The following RGS6 variants were observed in gnomAD, a reference collection of about 807,000 sequenced individuals.
RGS6 encodes regulator of G protein signaling 6, also known as regulator of G-protein signaling 6.
A neutral mutation model predicts 78.5 loss-of-function variants in RGS6; 30 were observed. The ratio of observed to expected loss-of-function variants is 0.38; its 90% CI spans 0.29 to 0.52. The LOEUF (loss-of-function observed/expected upper bound fraction) is 0.52. Ranked by LOEUF, RGS6 falls within the 20% of genes least tolerant of loss-of-function variation. The probability of loss-of-function intolerance (pLI) is 0.85; values close to 1 mark genes in which losing one functional copy is unlikely to be tolerated. For synonymous variants in RGS6, 206 were observed against 206.0 expected, an observed-to-expected ratio of 1.00 and a Z score of 0.00; for missense variants, 495 against 609.7, an observed-to-expected ratio of 0.81 and a Z score of 1.98.
At chr14:72,136,456 G>A (rs61994831) in intron 2 of RGS6, among the ~76,000 whole-genome samples, 26,544 of 152,134 alleles carry the variant, frequency 0.17, 2,994 homozygotes, top group Non-Finnish European at 0.24. Context: ...CACATGGCTG[G>A]GGAGGCCTCA....
intron 2 of RGS6, among the ~76,000 whole-genome samples, chr14:72,012,508 T>C (rs1043073672): frequency 1.3e-5 from 2 of 152,248 alleles, no homozygotes; most frequent in Admixed American, 6.5e-5. Flanking sequence ...CCTTAATTCA[T>C]GTGCTGTTGG....
At chr14:72,313,554 C>A (rs1365161464) in intron 2 of RGS6, among the ~76,000 whole-genome samples, 1 of 152,204 alleles carries the variant, frequency 6.6e-6, no homozygotes, top group East Asian at 1.9e-4. Flanking sequence ...TATGATCGTT[C>A]CTTCTGCTGG....
chr14:72,229,456 T>G (rs1389257371), intron 2 of RGS6, among the ~76,000 whole-genome samples: 1 of 152,080 alleles, frequency 6.6e-6, no homozygotes, highest in African/African-American at 2.4e-5. Context: ...TGTGGGCTGG[T>G]ACTCCCTACA....
chr14:71,982,211 G>C (rs957141986), intron 2 of RGS6, among the ~76,000 whole-genome samples: 1 of 152,162 alleles, frequency 6.6e-6, no homozygotes, highest in Admixed American at 6.5e-5. Flanking sequence ...AGATGAACCC[G>C]GTACCTCAGA....
At chr14:72,208,007 A>G (rs2043102906) in intron 2 of RGS6, among the ~76,000 whole-genome samples, 2 of 152,140 alleles carry the variant, frequency 1.3e-5, no homozygotes, top group Admixed American at 1.3e-4. Flanking sequence ...CTGTAATTGG[A>G]ATCATCTCTC....
rs562071343 is a variant in RGS6 at position 72,477,652 on chromosome 14, C to A, written c.793-616C>A. ...TCTACTAAAAATAGAAAAAAGTTAGCCGGGCTTGGTGGCGTGTGACTATAA... is the reference window on the plus strand; with the variant it reads ...TCTACTAAAAATAGAAAAAAGTTAGACGGGCTTGGTGGCGTGTGACTATAA... On this transcript the variant is annotated intron_variant, in intron 11 of 17. Coordinates refer to ENST00000553525, the MANE Select transcript of RGS6 (RefSeq NM_001204424.2). Among the ~76,000 whole-genome samples the A allele has an allele frequency of 3.3e-5, 5 of 151,774 alleles. No individual in the cohort carries two copies. In the South Asian group the frequency reaches 1.0e-3, roughly 32 times the overall value.
chr14:72,531,920 T>G (rs946318432), intron 15 of RGS6, among the ~76,000 whole-genome samples: 3 of 152,220 alleles, frequency 2.0e-5, no homozygotes, highest in African/African-American at 7.2e-5. Context: ...CCTCTCTAAT[T>G]ATGTGGTGTC....
the RGS6 span, among the ~76,000 whole-genome samples, chr14:72,622,992 G>A: frequency 6.6e-6 from 1 of 152,218 alleles, no homozygotes; most frequent in Non-Finnish European, 1.5e-5. Flanking sequence ...TTATGCAGCT[G>A]TAGGAAGGAA....
chr14:71,872,669 G>T, the RGS6 span, among the ~76,000 whole-genome samples: 2 of 152,012 alleles, frequency 1.3e-5, no homozygotes, highest in Admixed American at 6.6e-5. Flanking sequence ...TATACTTTAA[G>T]TTCTAGGGTA....
At chr14:72,167,878 T>C (rs2153675142) in intron 2 of RGS6, among the ~76,000 whole-genome samples, 1 of 152,256 alleles carries the variant, frequency 6.6e-6, no homozygotes, top group South Asian at 2.1e-4. Flanking sequence ...AGAGGGCATG[T>C]CAATCAATTA....
the RGS6 span, among the ~76,000 whole-genome samples, chr14:72,615,384 T>C: frequency 6.6e-6 from 1 of 152,182 alleles, no homozygotes; most frequent in East Asian, 1.9e-4. Context: ...AAAGGAAAAG[T>C]AATAACAATC....
At chr14:72,501,645 A>G (rs1439631551) in intron 13 of RGS6, among the ~76,000 whole-genome samples, 1 of 152,224 alleles carries the variant, frequency 6.6e-6, no homozygotes, top group African/African-American at 2.4e-5. Flanking sequence ...AACCACCAGG[A>G]GAGTGTCCCA....
At chr14:71,995,659 G>T (rs1163345875) in intron 2 of RGS6, among the ~76,000 whole-genome samples, 1 of 152,186 alleles carries the variant, frequency 6.6e-6, no homozygotes, top group African/African-American at 2.4e-5. Flanking sequence ...ATTGGAACCT[G>T]ACACGTAGCA....
chr14:71,895,422 A>G, the RGS6 span, among the ~76,000 whole-genome samples: 1 of 150,748 alleles, frequency 6.6e-6, no homozygotes, highest in Non-Finnish European at 1.5e-5. Flanking sequence ...CCTGACCTCA[A>G]GTGATCTGCC....
At chr14:72,317,270 G>A (rs2070559104) in intron 2 of RGS6, among the ~76,000 whole-genome samples, 1 of 151,900 alleles carries the variant, frequency 6.6e-6, no homozygotes, top group Non-Finnish European at 1.5e-5. Context: ...AATAATAATA[G>A]AATTATTTAA....
chr14:72,498,387 T>C (rs8004483), intron 13 of RGS6, among the ~76,000 whole-genome samples: 2,139 of 152,332 alleles, frequency 0.014, 49 homozygotes, highest in African/African-American at 0.049. Flanking sequence ...TCTTTTTGTA[T>C]GCCCAGCTAT....
At chr14:72,541,715 T>C in intron 17 of RGS6, 1 of 1,367,126 alleles carries the variant, frequency 7.3e-7, no homozygotes, top group East Asian at 2.5e-5. Context: ...AAGCCAAGGG[T>C]GCCTGTGTAA....
intron 3 of RGS6, among the ~76,000 whole-genome samples, chr14:72,379,304 T>C (rs548135573): frequency 9.9e-5 from 15 of 152,180 alleles, no homozygotes; most frequent in Admixed American, 4.6e-4. Flanking sequence ...ACCATTCTTA[T>C]TCAACATAGT....
At chr14:72,480,772 C>A (rs1421156115) in intron 12 of RGS6, among the ~76,000 whole-genome samples, 1 of 152,164 alleles carries the variant, frequency 6.6e-6, no homozygotes, top group Non-Finnish European at 1.5e-5. Context: ...CATCCACATC[C>A]ACATCCCCAT....
Sources: gnomAD v4.1 joint callset for allele counts (sites outside exome capture counted in the v4.1 genomes callset) on GRCh38, gnomAD v4.1.1 for gene constraint, MANE v1.5 for transcripts, NCBI Gene and HGNC (gene_info 2026-07-23, HGNC 2026-07-21) for gene names.